Variants in ARSG observed in about 807,000 individuals in gnomAD.
ARSG encodes arylsulfatase G.
A neutral mutation model predicts 50.5 loss-of-function variants in ARSG; 37 were observed. The ratio of observed to expected loss-of-function variants is 0.73; its 90% CI spans 0.56 to 0.96. The LOEUF (loss-of-function observed/expected upper bound fraction) is 0.96, where lower values mean the gene tolerates loss of function less well. ARSG is among the 50% of genes least tolerant of loss of function. ARSG has a pLI of 0.00. For missense variants in ARSG, 629 were observed against 675.3 expected, an observed-to-expected ratio of 0.93 and a Z score of 0.76; for synonymous variants, 225 against 254.6, an observed-to-expected ratio of 0.88 and a Z score of 1.11.
At chr17:68,332,770 G>A (rs1466265486) in intron 2 of ARSG, among the ~76,000 whole-genome samples, 4 of 152,222 alleles carry the variant, frequency 2.6e-5, no homozygotes, top group African/African-American at 9.6e-5. Context: ...CCCTCCGTTC[G>A]GGGTCCCTGA....
In ARSG at chr17:68,323,838, C is replaced by T. The variant is rs201184560; in HGVS notation, c.218+16127C>T. Among the ~76,000 whole-genome samples the T allele has an allele frequency of 6.3e-4, 96 of 152,150 alleles. 1 individual carries two copies. In the East Asian group the frequency reaches 0.016, roughly 25 times the overall value. On this transcript the variant is annotated intron_variant, in intron 2 of 11. Transcript: ENST00000621439. ...CTGTAATCCCAACACTTTGGGAGGCCGAAGCGGGTGGATCACCTGAGGTCA... is the reference window on the plus strand; with the variant it reads ...CTGTAATCCCAACACTTTGGGAGGCTGAAGCGGGTGGATCACCTGAGGTCA...
chr17:68,364,708 CAT>C (rs965122217), intron 6 of ARSG, among the ~76,000 whole-genome samples: 4 of 152,166 alleles, frequency 2.6e-5, no homozygotes, highest in African/African-American at 9.7e-5. Context: ...GGTGCATAAA[CAT>C]ATGTTTCCCT....
In ARSG at chr17:68,354,022, C is replaced by CT. The variant is rs1239565009; in HGVS notation, c.566+2353dup. Among the ~76,000 whole-genome samples, 341 of 93,802 alleles carry CT rather than the reference C, an allele frequency of 3.6e-3. 3 individuals carry two copies. The highest frequency in any genetic ancestry group is 0.024 in the East Asian group (86 of 3,568). The allele number at this position is 93,802 out of a possible 152,430, so 61.5% of individuals were successfully genotyped here. On this transcript the variant is annotated intron_variant, in intron 5 of 11. Coordinates refer to ENST00000621439, the MANE Select transcript of ARSG (RefSeq NM_001267727.2). ...TGGCCTTCTTTTTCTTCTTCTTGTT[C>CT]TTTTTTTTTTTTTTTTTATTTCAAT...
chr17:68,359,704 A>C (rs1194211995), intron 6 of ARSG: 1 of 152,332 alleles, frequency 6.6e-6, no homozygotes. Context: ...GAAGCTCAGC[A>C]GGGAGGGTTG....
intron 2 of ARSG, among the ~76,000 whole-genome samples, chr17:68,337,697 G>A (rs879837018): frequency 1.3e-5 from 2 of 152,006 alleles, no homozygotes; most frequent in African/African-American, 4.8e-5. Context: ...AGCTCACCGC[G>A]ACCTCTGTCC....
chr17:68,444,447 C>G, the ARSG span: 1 of 1,551,064 alleles, frequency 6.4e-7, no homozygotes, highest in Non-Finnish European at 8.9e-7. Context: ...AAAGAAGCAC[C>G]AGGACATGAA....
chr17:68,343,664 C>A lies in ARSG; in HGVS notation c.279C>A (p.Thr93=), dbSNP rs200863282. 6.2e-7 allele frequency: 1 copy of A among 1,614,078 alleles called. No individual in the cohort carries two copies. The highest frequency in any genetic ancestry group is 8.5e-7 in the Non-Finnish European group (1 of 1,179,958). The change falls in exon 3 of 12, where the codon ACC becomes ACA. Residue 93 remains threonine, a synonymous_variant. Transcript: ENST00000621439. ...TCSPSRASLL[T]GRLGLRNGVT... is the part of the protein sequence containing the mutation. ...CACCCTCCCGGGCTTCCTTGCTCAC[C>A]GGCCGGCTTGGCCTTCGCAATGGAG...
At position 68,337,188 on chromosome 17, in the gene ARSG, T is replaced by C. The variant is rs370286441; in HGVS notation, c.219-6416T>C. Among the ~76,000 whole-genome samples, 32 of 152,112 alleles carry C rather than the reference T, an allele frequency of 2.1e-4. 2 individuals are homozygous for C. The highest frequency in any genetic ancestry group is 1.9e-3 in the East Asian group (10 of 5,194). On this transcript the variant is annotated intron_variant, in intron 2 of 11. Coordinates refer to ENST00000621439, the MANE Select transcript of ARSG (RefSeq NM_001267727.2). The stretch of plus-strand genomic sequence containing the variant: ...GGGAGCAATTTTGGAGGGGAAACAC[T>C]GAGGGCAGCCCTGGATTATTGCGTT...
chr17:68,370,378 G>C, intron 7 of ARSG, 66 bp from the exon 8 acceptor site: 14 of 1,457,076 alleles, frequency 9.6e-6, no homozygotes, highest in Middle Eastern at 1.7e-4. Flanking sequence ...TATAGGGCCA[G>C]AGTGGGAGGG....
At chr17:68,426,124 T>C, downstream of ARSG, 1 of 1,612,426 alleles carries the variant, frequency 6.2e-7, no homozygotes, top group South Asian at 1.1e-5. Flanking sequence ...CGTCGCAAAC[T>C]CATGTTCAGG....
chr17:68,327,122 G>T (rs967521622), intron 2 of ARSG, among the ~76,000 whole-genome samples: 2 of 152,056 alleles, frequency 1.3e-5, no homozygotes, highest in African/African-American at 4.8e-5. Flanking sequence ...AGTTTGGAAG[G>T]GCAAGAAGAG....
Position 68,368,756 on chromosome 17 carries a change from A to G in ARSG, c.901+12A>G. Reference sequence around the variant, plus strand: ...CCTCTGGTTTACAGGTAAAGTAGTAAAAGCCAGCCAGCCTAACTGCCATTT... The same window carrying G: ...CCTCTGGTTTACAGGTAAAGTAGTAGAAGCCAGCCAGCCTAACTGCCATTT... On this transcript the variant is annotated intron_variant, in intron 7 of 11. Coordinates refer to ENST00000621439, the MANE Select transcript of ARSG (RefSeq NM_001267727.2). The G allele has an allele frequency of 6.2e-7, 1 of 1,610,242 alleles. No homozygotes were observed. The highest frequency in any genetic ancestry group is 1.3e-5 in the African/African-American group (1 of 74,784).
intron 2 of ARSG, among the ~76,000 whole-genome samples, chr17:68,338,494 A>G (rs1362989369): frequency 6.6e-6 from 1 of 152,094 alleles, no homozygotes; most frequent in East Asian, 1.9e-4. Flanking sequence ...GTTTAATGGC[A>G]CCTGCATAGG....
At chr17:68,375,294 A>T (rs1258441713) in intron 8 of ARSG, among the ~76,000 whole-genome samples, 1 of 152,202 alleles carries the variant, frequency 6.6e-6, no homozygotes, top group Non-Finnish European at 1.5e-5. Flanking sequence ...CTGAGTGTAG[A>T]ACTTTCAACT....
intron 1 of ARSG, among the ~76,000 whole-genome samples, chr17:68,299,552 C>T (rs565763973): frequency 5.3e-5 from 8 of 151,462 alleles, no homozygotes; most frequent in African/African-American, 1.5e-4. Flanking sequence ...ACCAGGAAAA[C>T]GGGTCCAGGG....
At chr17:68,343,819 C>G in intron 3 of ARSG, 28 bp downstream of exon 3, 1 of 1,582,566 alleles carries the variant, frequency 6.3e-7, no homozygotes, top group Non-Finnish European at 8.6e-7. Context: ...CTGCCTGTTG[C>G]ATTTACTGCA....
the ARSG span, among the ~76,000 whole-genome samples, chr17:68,450,016 CAG>C: frequency 6.6e-5 from 10 of 152,134 alleles, no homozygotes; most frequent in African/African-American, 2.4e-4. Context: ...GTCTCAAAAA[CAG>C]AAACAACAAC....
At position 68,276,983 on chromosome 17, in the gene ARSG, A is replaced by G. The variant is rs183517398; in HGVS notation, c.-552+17557A>G. The stretch of plus-strand genomic sequence containing the variant: ...GATGAATCAGTGAAGTCCTTTAGGG[A>G]AACAGGTGCTTGGAATTCAGAAGGT... On this transcript the variant is annotated intron_variant, in intron 1 of 11. Coordinates refer to the ARSG transcript ENST00000448504. 5.8e-4 allele frequency among the ~76,000 whole-genome samples: 88 copies of G among 152,300 alleles called. 1 individual carries two copies. The East Asian group carries it at 0.014, about 24-fold the overall frequency.
rs180730150 is a variant in ARSG, at chr17:68,387,063, C to G, written c.1091+1891C>G. Among the ~76,000 whole-genome samples, 294 of 148,292 alleles carry G rather than the reference C, an allele frequency of 2.0e-3. 1 individual carries two copies. Among genetic ancestry groups the G allele is most frequent in the Admixed American group, 4.1e-3 (60 of 14,628 alleles). On this transcript the variant is annotated intron_variant, in intron 9 of 11. Coordinates refer to ENST00000621439, the MANE Select transcript of ARSG (RefSeq NM_001267727.2). ...AAAACTGCAATGACTTTCGCACCAA[C>G]CTAATATATAGTGTATCACACACAC...
Sources: gnomAD v4.1 joint callset for allele counts (sites outside exome capture counted in the v4.1 genomes callset) on GRCh38, gnomAD v4.1.1 for gene constraint, MANE v1.5 for transcripts, NCBI Gene and HGNC (gene_info 2026-07-23, HGNC 2026-07-21) for gene names.